The following PCDHB9 variants were observed in gnomAD, a reference collection of about 807,000 sequenced individuals.
PCDHB9 encodes protocadherin beta 9, also known as protocadherin beta-9.
For synonymous variants in PCDHB9, 501 were observed against 439.7 expected, an observed-to-expected ratio of 1.14 and a Z score of -1.75; for missense variants, 1,072 against 995.1, an observed-to-expected ratio of 1.08 and a Z score of -1.04.
chr5:141,187,193 C>T lies in PCDHB9; in HGVS notation c.-126C>T, dbSNP rs1039233257. On this transcript the variant is annotated 5_prime_UTR_variant, in exon 1 of 1. Coordinates refer to ENST00000316105, the MANE Select transcript of PCDHB9 (RefSeq NM_019119.5). The stretch of plus-strand genomic sequence containing the variant: ...CAGATGGGCTGAGAAGAAGAGCTGT[C>T]GAGTCCCTGATTGGGAAAGGAAAAA... The T allele has an allele frequency of 1.2e-4, 149 of 1,193,522 alleles. No individual in the cohort carries two copies. The highest frequency in any genetic ancestry group is 1.7e-4 in the Non-Finnish European group (141 of 853,060). 73.9% of individuals were successfully genotyped at this position (1,193,522 alleles called of 1,614,324 possible). A position where few individuals can be genotyped will look rare whatever the true frequency, so the allele number is the denominator to read the frequency against.
Position 141,191,462 on chromosome 5 carries a change from T to C in PCDHB9, c.*1750T>C, listed in dbSNP as rs1190141673. ...GGACCTTAAAATAAGGATCAATCTC[T>C]TATTTAACCCTGTAAGTTACTTTAA... On this transcript the variant is annotated 3_prime_UTR_variant, in exon 1 of 1. Transcript: ENST00000316105. 6.6e-6 allele frequency: 1 copy of C among 152,158 alleles called. No homozygotes were observed. The highest frequency in any genetic ancestry group is 2.4e-5 in the African/African-American group (1 of 41,412). The allele number at this position is 152,158 out of a possible 1,614,324, so 9.4% of individuals were successfully genotyped here.
rs782154191 is a variant in PCDHB9 at position 141,187,522 on chromosome 5, CGAT to C, written c.208_210del (p.Asp70del). 1 of 1,608,754 alleles carries C rather than the reference CGAT, an allele frequency of 6.2e-7. No homozygotes were observed. Among genetic ancestry groups the C allele is most frequent in the African/African-American group, 1.3e-5 (1 of 74,630 alleles). On this transcript the variant is annotated inframe_deletion, in exon 1 of 1. Coordinates refer to ENST00000316105, the MANE Select transcript of PCDHB9 (RefSeq NM_019119.5). Reference sequence around the variant, plus strand: ...CTGCAAGGGGAACCAGGGTGGTTTCCGATGATAACAAACAATACCTGCTCCTGG... The same window carrying C: ...CTGCAAGGGGAACCAGGGTGGTTTCCGATAACAAACAATACCTGCTCCTGG...
At position 141,188,853 on chromosome 5, in the gene PCDHB9, A is replaced by G; in HGVS notation, c.1535A>G (p.His512Arg). 6.2e-7 allele frequency: 1 copy of G among 1,612,794 alleles called. No homozygotes were observed. Among genetic ancestry groups the G allele is most frequent in the Non-Finnish European group, 8.5e-7 (1 of 1,179,942 alleles). Residue 512 changes from histidine to arginine, a missense_variant, in exon 1 of 1, where the codon CAC (histidine) becomes CGC (arginine). Coordinates refer to ENST00000316105, the MANE Select transcript of PCDHB9 (RefSeq NM_019119.5). ...GTCTCCATCAACGCGGACAATGGCC[A>G]CCTGTTTGCCCTCAGGTCGCTGGAC... ...SLVSINADNG[H>R]LFALRSLDYE...
chr5:141,187,348 ACAAAGG>A lies in PCDHB9; in HGVS notation c.34_39del (p.Arg12_Gln13del). 1.2e-6 allele frequency: 2 copies of A among 1,614,118 alleles called. No homozygotes were observed. Among genetic ancestry groups the A allele is most frequent in the Non-Finnish European group, 1.7e-6 (2 of 1,180,004 alleles). ...AGACCAGGGGGTTCAGCTTTCCAAG[ACAAAGG>A]CAAGTCCTGTTTCTTTTTCTTTTCT... On this transcript the variant is annotated inframe_deletion, in exon 1 of 1. Transcript: ENST00000316105.
Position 141,188,440 on chromosome 5 carries a change from C to A in PCDHB9, c.1122C>A (p.Asp374Glu). 6.2e-7 allele frequency: 1 copy of A among 1,614,096 alleles called. No individual in the cohort carries two copies. Among genetic ancestry groups the A allele is most frequent in the Non-Finnish European group, 8.5e-7 (1 of 1,180,004 alleles). Residue 374 changes from aspartate (D) to glutamate (E), a missense_variant, in exon 1 of 1, where the codon GAC becomes GAA. By Grantham distance (45) the Asp-to-Glu change is conservative. Transcript: ENST00000316105. ...CTGTTTTTAAGATTAAAGACAGAGA[C>A]TCCGGAGAAAATGGAAAGACAATTT... ...VLAVFKIKDR[D>E]SGENGKTICY...
In PCDHB9 at chr5:141,188,460, C is replaced by A. The variant is rs782331540; in HGVS notation, c.1142C>A (p.Thr381Lys). The change falls in exon 1 of 1, where the codon ACA becomes AAA. Residue 381 changes from threonine to lysine, a missense_variant. Coordinates refer to ENST00000316105, the MANE Select transcript of PCDHB9 (RefSeq NM_019119.5). ...KDRDSGENGK[T>K]ICYVQDNLPF... Reference sequence around the variant, plus strand: ...AGAGACTCCGGAGAAAATGGAAAGACAATTTGCTATGTTCAAGATAATCTG... The same window carrying A: ...AGAGACTCCGGAGAAAATGGAAAGAAAATTTGCTATGTTCAAGATAATCTG... The A allele has an allele frequency of 1.2e-6, 2 of 1,614,102 alleles. No individual in the cohort carries two copies. Among genetic ancestry groups the A allele is most frequent in the Admixed American group, 1.7e-5 (1 of 60,012 alleles).
Position 141,187,507 on chromosome 5 carries a change from A to C in PCDHB9, c.189A>C (p.Gly63=). 1 of 1,610,674 alleles carries C rather than the reference A, an allele frequency of 6.2e-7. No homozygotes were observed. Among genetic ancestry groups the C allele is most frequent in the Non-Finnish European group, 8.5e-7 (1 of 1,177,750 alleles). The change falls in exon 1 of 1, where the codon GGA becomes GGC. Residue 63 remains glycine, a synonymous_variant. Coordinates refer to ENST00000316105, the MANE Select transcript of PCDHB9 (RefSeq NM_019119.5). The part of the protein sequence containing the change: ...GLAEGELAAR[G]TRVVSDDNKQ... The stretch of plus-strand genomic sequence containing the variant: ...CAGAGGGGGAGCTGGCTGCAAGGGG[A>C]ACCAGGGTGGTTTCCGATGATAACA...
In PCDHB9 at chr5:141,187,275, C is replaced by T. The variant is rs1554282740; in HGVS notation, c.-44C>T. 3 of 1,570,496 alleles carry T rather than the reference C, an allele frequency of 1.9e-6. No individual in the cohort carries two copies. Among genetic ancestry groups the T allele is most frequent in the Admixed American group, 3.6e-5 (2 of 56,210 alleles). ...TCTGGGTTTGCGATTGCTATTTGTG[C>T]TGGGGCAGTGTGATTGAGACTGACA... On this transcript the variant is annotated 5_prime_UTR_variant, in exon 1 of 1. Transcript: ENST00000316105.
rs1384288996 is a variant in PCDHB9 at position 141,188,813 on chromosome 5, C to T, written c.1495C>T (p.Pro499Ser). Residue 499 changes from proline (P) to serine (S), a missense_variant, in exon 1 of 1, where the codon CCC becomes TCC. Transcript: ENST00000316105. ...SLLPPQDPHL[P>S]LASLVSINAD... ...GCTGCCGCCCCAGGACCCACACCTG[C>T]CCCTCGCCTCCCTGGTCTCCATCAA... is the stretch of plus-strand genomic sequence containing the variant. 3.7e-6 allele frequency: 6 copies of T among 1,612,966 alleles called. No homozygotes were observed. The South Asian group carries it at 5.5e-5, about 15-fold the overall frequency.
rs146117532 is a variant in PCDHB9, at chr5:141,188,109, T to C, written c.791T>C (p.Val264Ala). 1.2e-6 allele frequency: 2 copies of C among 1,613,556 alleles called. No individual in the cohort carries two copies. Among genetic ancestry groups the C allele is most frequent in the Non-Finnish European group, 1.7e-6 (2 of 1,179,752 alleles). ...CCAGTAGGGTCCCTTATTGTTAAAGTGTCTGCAGGAGATGCAGACTCAGGA... is the reference window on the plus strand; with the variant it reads ...CCAGTAGGGTCCCTTATTGTTAAAGCGTCTGCAGGAGATGCAGACTCAGGA... ...NSPVGSLIVK[V>A]SAGDADSGVN... Residue 264 changes from valine to alanine, a missense_variant, in exon 1 of 1, where the codon GTG (valine) becomes GCG (alanine). Coordinates refer to ENST00000316105, the MANE Select transcript of PCDHB9 (RefSeq NM_019119.5).
In PCDHB9 at chr5:141,188,261, T is replaced by A; in HGVS notation, c.943T>A (p.Tyr315Asn). Reference protein sequence around the residue: ...ELLDYELVNSYKINIQAMDGG... With the variant: ...ELLDYELVNSNKINIQAMDGG... ...GCTTGATTATGAGTTAGTAAATTCT[T>A]ACAAAATAAATATACAGGCAATGGA... Residue 315 changes from tyrosine (Y) to asparagine (N), a missense_variant, in exon 1 of 1, where the codon TAC becomes AAC. Tyr to Asn is a moderately radical substitution (Grantham distance 143). Coordinates refer to ENST00000316105, the MANE Select transcript of PCDHB9 (RefSeq NM_019119.5). 1.2e-6 allele frequency: 2 copies of A among 1,614,048 alleles called. No homozygotes were observed. The highest frequency in any genetic ancestry group is 1.6e-4 in the Middle Eastern group (1 of 6,062).
chr5:141,188,487 C>CT lies in PCDHB9; in HGVS notation c.1176dup (p.Leu393SerfsTer6), dbSNP rs782200278. 10 of 1,613,978 alleles carry CT rather than the reference C, an allele frequency of 6.2e-6. No individual in the cohort carries two copies. The South Asian group carries it at 6.6e-5, about 11-fold the overall frequency. Reference sequence around the variant, plus strand: ...ATTTGCTATGTTCAAGATAATCTGCCTTTTTTTCTGAAACCGTCTGTTGAC... The same window carrying CT: ...ATTTGCTATGTTCAAGATAATCTGCCTTTTTTTTCTGAAACCGTCTGTTGAC... On this transcript the variant is annotated frameshift_variant, in exon 1 of 1. Coordinates refer to ENST00000316105, the MANE Select transcript of PCDHB9 (RefSeq NM_019119.5). LOFTEE classifies it low-confidence loss of function (END_TRUNC).
chr5:141,188,518 T>G lies in PCDHB9; in HGVS notation c.1200T>G (p.Phe400Leu), dbSNP rs782800975. ...TTCTGAAACCGTCTGTTGACAATTTTTACATCCTAATGACTGAAGGTGCAC... is the reference window on the plus strand; with the variant it reads ...TTCTGAAACCGTCTGTTGACAATTTGTACATCCTAATGACTGAAGGTGCAC... ...PFFLKPSVDN[F>L]YILMTEGALD... Residue 400 changes from phenylalanine (F) to leucine (L), a missense_variant, in exon 1 of 1, where the codon TTT becomes TTG. Physicochemically the swap from Phe to Leu is conservative, Grantham distance 22 (BLOSUM62 0). Transcript: ENST00000316105. The G allele has an allele frequency of 6.2e-7, 1 of 1,614,180 alleles. No homozygotes were observed. The highest frequency in any genetic ancestry group is 1.7e-5 in the Admixed American group (1 of 60,024).
At position 141,188,888 on chromosome 5, in the gene PCDHB9, C is replaced by T. The variant is rs782266468; in HGVS notation, c.1570C>T (p.Leu524=). The change falls in exon 1 of 1, where the codon CTG becomes TTG. Residue 524 remains leucine (L), a synonymous_variant. Transcript: ENST00000316105. ...FALRSLDYEA[L]QAFDFRVGAS... ...CCTCAGGTCGCTGGACTACGAGGCC[C>T]TGCAGGCTTTCGACTTCCGCGTGGG... 6.2e-7 allele frequency: 1 copy of T among 1,612,620 alleles called. No individual in the cohort carries two copies. The highest frequency in any genetic ancestry group is 8.5e-7 in the Non-Finnish European group (1 of 1,179,920).
Position 141,188,907 on chromosome 5 carries a change from G to T in PCDHB9, c.1589G>T (p.Arg530Leu). The change falls in exon 1 of 1, where the codon CGC becomes CTC. Residue 530 changes from arginine to leucine, a missense_variant. Transcript: ENST00000316105. The stretch of plus-strand genomic sequence containing the variant: ...GAGGCCCTGCAGGCTTTCGACTTCC[G>T]CGTGGGCGCCTCAGACCGCGGCTCC... ...DYEALQAFDF[R>L]VGASDRGSPA... The T allele has an allele frequency of 1.9e-6, 3 of 1,612,364 alleles. No homozygotes were observed. Among genetic ancestry groups the T allele is most frequent in the Admixed American group, 1.7e-5 (1 of 60,024 alleles).
rs1753765104 is a variant in PCDHB9, at chr5:141,187,513, G to A, written c.195G>A (p.Arg65=). Reference sequence around the variant, plus strand: ...GGGAGCTGGCTGCAAGGGGAACCAGGGTGGTTTCCGATGATAACAAACAAT... The same window carrying A: ...GGGAGCTGGCTGCAAGGGGAACCAGAGTGGTTTCCGATGATAACAAACAAT... ...AEGELAARGT[R]VVSDDNKQYL... Residue 65 remains arginine (R), a synonymous_variant, in exon 1 of 1, where the codon AGG becomes AGA. Coordinates refer to ENST00000316105, the MANE Select transcript of PCDHB9 (RefSeq NM_019119.5). The A allele has an allele frequency of 6.2e-7, 1 of 1,609,096 alleles. No homozygotes were observed. Among genetic ancestry groups the A allele is most frequent in the Non-Finnish European group, 8.5e-7 (1 of 1,176,486 alleles).
rs373276404 is a variant in PCDHB9 at position 141,188,729 on chromosome 5, G to A, written c.1411G>A (p.Gly471Ser). 2.1e-5 allele frequency: 34 copies of A among 1,613,458 alleles called. 1 individual carries two copies. In the South Asian group the frequency reaches 2.9e-4, roughly 14 times the overall value. The change falls in exon 1 of 1, where the codon GGC becomes AGC. Residue 471 changes from glycine to serine, a missense_variant. Transcript: ENST00000316105. ...GAACAACAGCCCCGCCCTGCACATC[G>A]GCAGTGTCAGCGCCACAGACAGAGA... The part of the protein sequence containing the change: ...RENNSPALHI[G>S]SVSATDRDSG...
rs1360756253 is a variant in PCDHB9, at chr5:141,190,043, A to G, written c.*331A>G. The G allele has an allele frequency of 4.8e-6, 1 of 207,396 alleles. No homozygotes were observed. Among genetic ancestry groups the G allele is most frequent in the Non-Finnish European group, 9.5e-6 (1 of 105,040 alleles). 12.8% of individuals were successfully genotyped at this position (207,396 alleles called of 1,614,324 possible). On this transcript the variant is annotated 3_prime_UTR_variant, in exon 1 of 1. Transcript: ENST00000316105. ...TTCCTAAAACTTTTTACTTGTTAAA[A>G]TAGTCTGCTGCATGTAATATGTGCT...
Position 141,188,715 on chromosome 5 carries a change from C to G in PCDHB9, c.1397C>G (p.Pro466Arg), listed in dbSNP as rs782727781. 6.2e-7 allele frequency: 1 copy of G among 1,613,742 alleles called. No individual in the cohort carries two copies. Among genetic ancestry groups the G allele is most frequent in the South Asian group, 1.1e-5 (1 of 91,064 alleles). The part of the protein sequence containing the change: ...YTLFVRENNS[P>R]ALHIGSVSAT... The stretch of plus-strand genomic sequence containing the variant: ...CTGTTCGTCCGGGAGAACAACAGCC[C>G]CGCCCTGCACATCGGCAGTGTCAGC... The change falls in exon 1 of 1, where the codon CCC (proline) becomes CGC (arginine). Residue 466 changes from proline to arginine, a missense_variant. Pro to Arg is a moderately radical substitution (Grantham distance 103, BLOSUM62 -2). Coordinates refer to ENST00000316105, the MANE Select transcript of PCDHB9 (RefSeq NM_019119.5).
Sources: allele counts gnomAD v4.1 joint callset, GRCh38; gene constraint gnomAD v4.1.1; transcripts MANE v1.5; gene names NCBI Gene and HGNC (gene_info 2026-07-23, HGNC 2026-07-21).